Variants in FRMD6 observed in about 807,000 individuals in gnomAD.
The protein encoded by FRMD6 is FERM domain containing 6, also known as FERM domain-containing protein 6.
A neutral mutation model predicts 73.2 loss-of-function variants in FRMD6; 37 were observed. The observed-to-expected ratio is 0.51, with a 90% CI of 0.39 to 0.66. The LOEUF (loss-of-function observed/expected upper bound fraction) is 0.66, where lower values mean the gene tolerates loss of function less well. Among genes scored for constraint, FRMD6 ranks in the 30% least tolerant of loss-of-function variants. FRMD6 has a pLI of 0.00. For synonymous variants in FRMD6, 273 were observed against 282.2 expected (o/e 0.97, Z 0.33); for missense variants, 714 against 780.5 (o/e 0.91, Z 1.02).
chr14:51,604,013 T>G (rs1402382174), intron 2 of FRMD6, among the ~76,000 whole-genome samples: 1 of 149,502 alleles, frequency 6.7e-6, no homozygotes, highest in Admixed American at 6.7e-5. Context: ...AGGGAGTGAG[T>G]ATCAGAGCAG....
intron 1 of FRMD6, among the ~76,000 whole-genome samples, chr14:51,523,758 G>A (rs1358667748): frequency 6.6e-6 from 1 of 152,152 alleles, no homozygotes; most frequent in Non-Finnish European, 1.5e-5. Context: ...TGTGAAATGA[G>A]CTACTGAACA....
At chr14:51,602,122 C>T (rs1890063974) in intron 2 of FRMD6, among the ~76,000 whole-genome samples, 1 of 152,170 alleles carries the variant, frequency 6.6e-6, no homozygotes, top group Admixed American at 6.5e-5. Flanking sequence ...ACTAATCACT[C>T]TTTAATGTGA....
At chr14:51,606,800 A>G (rs1213861342) in intron 2 of FRMD6, among the ~76,000 whole-genome samples, 2 of 152,166 alleles carry the variant, frequency 1.3e-5, no homozygotes, top group Non-Finnish European at 2.9e-5. Context: ...CTGACCTAGC[A>G]TGGCTCAGCC....
chr14:51,438,745 C>T, the FRMD6 span, among the ~76,000 whole-genome samples: 11 of 152,162 alleles, frequency 7.2e-5, no homozygotes, highest in East Asian at 1.9e-4. Flanking sequence ...TTTTTAATCT[C>T]CAGGTGGCAG....
intron 1 of FRMD6, among the ~76,000 whole-genome samples, chr14:51,495,404 A>T (rs920065624): frequency 7.9e-5 from 12 of 152,224 alleles, no homozygotes; most frequent in Non-Finnish European, 1.8e-4. Flanking sequence ...AGGAGGACAC[A>T]AAAGTTCAGA....
At chr14:51,712,068 C>A (rs1896973746) in intron 8 of FRMD6, among the ~76,000 whole-genome samples, 3 of 152,154 alleles carry the variant, frequency 2.0e-5, no homozygotes, top group African/African-American at 7.2e-5. Context: ...GCAGGTGAGA[C>A]AGTGTTATCC....
chr14:51,572,674 AAC>A (rs970239735), intron 2 of FRMD6, among the ~76,000 whole-genome samples: 1 of 152,226 alleles, frequency 6.6e-6, no homozygotes, highest in African/African-American at 2.4e-5. Context: ...TGCAGTCAGA[AAC>A]ACAGTTTTGA....
intron 2 of FRMD6, among the ~76,000 whole-genome samples, chr14:51,632,537 T>C (rs1038692749): frequency 2.0e-5 from 3 of 152,166 alleles, no homozygotes; most frequent in East Asian, 1.9e-4. Context: ...TTAAAACATT[T>C]TGGGGAAAGA....
chr14:51,688,045 A>G (rs1382647653), intron 1 of FRMD6, among the ~76,000 whole-genome samples: 2 of 152,100 alleles, frequency 1.3e-5, no homozygotes, highest in African/African-American at 4.8e-5. Context: ...ACAAACACCC[A>G]GGTGATTCTG....
the FRMD6 span, among the ~76,000 whole-genome samples, chr14:51,411,554 A>G: frequency 1.3e-5 from 2 of 152,170 alleles, no homozygotes; most frequent in Admixed American, 6.5e-5. Flanking sequence ...TTGCTTTATT[A>G]TTAGATTTCT....
chr14:51,633,162 G>T (rs930283762), intron 2 of FRMD6, among the ~76,000 whole-genome samples: 1 of 151,742 alleles, frequency 6.6e-6, no homozygotes, highest in Non-Finnish European at 1.5e-5. Flanking sequence ...TCTTTTTATA[G>T]TTTCAAATTT....
At chr14:51,579,203 C>T (rs1888574031) in intron 2 of FRMD6, 1 of 152,110 alleles carries the variant, frequency 6.6e-6, no homozygotes. Context: ...AGGAGACAAC[C>T]ACCCAATTTC....
chr14:51,710,775 C>T (rs1390134911), intron 7 of FRMD6, among the ~76,000 whole-genome samples: 1 of 152,094 alleles, frequency 6.6e-6, no homozygotes, highest in Non-Finnish European at 1.5e-5. Context: ...GAACTTTATA[C>T]ACTATATATA....
the FRMD6 span, among the ~76,000 whole-genome samples, chr14:51,434,529 T>TAATAATGGATTAGATTCAA: frequency 2.0e-5 from 3 of 151,988 alleles, no homozygotes; most frequent in South Asian, 4.2e-4. Flanking sequence ...TAAAAAATTG[T>TAATAATGGATTAGATTCAA]AATAAGTATC....
the FRMD6 span, among the ~76,000 whole-genome samples, chr14:51,432,459 T>C: frequency 1.3e-5 from 2 of 152,174 alleles, no homozygotes; most frequent in African/African-American, 4.8e-5. Flanking sequence ...TCATCAGTCA[T>C]AAGGTCAGTC....
intron 2 of FRMD6, among the ~76,000 whole-genome samples, chr14:51,596,248 GGTGTGT>G (rs3060588): frequency 2.7e-5 from 4 of 147,600 alleles, no homozygotes; most frequent in East Asian, 2.0e-4. Flanking sequence ...AGGAGAGCCT[GGTGTGT>G]GTGTGTGTGT....
the FRMD6 span, among the ~76,000 whole-genome samples, chr14:51,418,723 G>A: frequency 5.9e-5 from 9 of 152,214 alleles, no homozygotes; most frequent in Non-Finnish European, 1.5e-5. Flanking sequence ...TGTCAGACAG[G>A]GACGTTTAAG....
At chr14:51,409,050 C>T in the FRMD6 span, among the ~76,000 whole-genome samples, 1 of 152,186 alleles carries the variant, frequency 6.6e-6, no homozygotes, top group Non-Finnish European at 1.5e-5. Context: ...CTCCTTCTCA[C>T]CATCCCACAG....
intron 2 of FRMD6, among the ~76,000 whole-genome samples, chr14:51,690,571 C>T (rs544609956): frequency 1.3e-3 from 191 of 152,100 alleles, no homozygotes; most frequent in African/African-American, 4.4e-3. Flanking sequence ...ATTTTAGTAG[C>T]GACGGGGTTT....
Sources: gnomAD v4.1 joint callset for allele counts (sites outside exome capture counted in the v4.1 genomes callset) on GRCh38, gnomAD v4.1.1 for gene constraint, MANE v1.5 for transcripts, NCBI Gene and HGNC (gene_info 2026-07-23, HGNC 2026-07-21) for gene names.